Variants in REDIC1 observed in about 807,000 individuals in gnomAD.
REDIC1 encodes HEI10 Interacting Protein 1.
chr12:39,822,830 T>C, the REDIC1 span, among the ~76,000 whole-genome samples: 1 of 152,254 alleles, frequency 6.6e-6, no homozygotes, highest in African/African-American at 2.4e-5. Flanking sequence ...ATATTATGAA[T>C]ATCGCTACTT....
At chr12:39,676,186 A>G in the REDIC1 span, among the ~76,000 whole-genome samples, 1 of 152,054 alleles carries the variant, frequency 6.6e-6, no homozygotes, top group South Asian at 2.1e-4. Flanking sequence ...ACACCAACTT[A>G]AGGAAATAAA....
chr12:39,800,176 T>A, the REDIC1 span, among the ~76,000 whole-genome samples: 2 of 152,182 alleles, frequency 1.3e-5, no homozygotes, highest in Non-Finnish European at 2.9e-5. Flanking sequence ...TCCTTGGCAT[T>A]TTTGCAGAAA....
At chr12:39,896,527 T>A in the REDIC1 span, among the ~76,000 whole-genome samples, 1 of 145,008 alleles carries the variant, frequency 6.9e-6, no homozygotes, top group Non-Finnish European at 1.5e-5. Context: ...TATACATGTA[T>A]ACATGTATGT....
the REDIC1 span, among the ~76,000 whole-genome samples, chr12:39,895,956 GTATA>G: frequency 1.4e-5 from 2 of 144,436 alleles, 1 homozygote; most frequent in African/African-American, 5.6e-5. Context: ...GCGTATATGT[GTATA>G]TATACATGTG....
the REDIC1 span, among the ~76,000 whole-genome samples, chr12:39,650,574 A>T: frequency 6.6e-6 from 1 of 152,044 alleles, no homozygotes; most frequent in Admixed American, 6.6e-5. This position sits in a 1 kb window ranked among gnomAD's most constrained non-coding sequence, Gnocchi z 4.3. Flanking sequence ...ATTTAAGTTT[A>T]TTTTTTATTT....
chr12:39,836,493 A>C, the REDIC1 span, among the ~76,000 whole-genome samples: 1 of 151,920 alleles, frequency 6.6e-6, no homozygotes, highest in African/African-American at 2.4e-5. Flanking sequence ...GGCCAGGGCA[A>C]TTAGGCAGGA....
the REDIC1 span, among the ~76,000 whole-genome samples, chr12:39,761,254 A>AG: frequency 0.35 from 53,353 of 151,734 alleles, 11,559 homozygotes; most frequent in Non-Finnish European, 0.47. Flanking sequence ...AAGTAAAATA[A>AG]GGGGGCTTCT....
At chr12:39,886,388 A>T in the REDIC1 span, among the ~76,000 whole-genome samples, 1 of 152,192 alleles carries the variant, frequency 6.6e-6, no homozygotes, top group African/African-American at 2.4e-5. Flanking sequence ...AATTATTAGC[A>T]GACCGGTAGG....
the REDIC1 span, among the ~76,000 whole-genome samples, chr12:39,858,353 T>C: frequency 6.6e-6 from 1 of 152,214 alleles, no homozygotes; most frequent in Non-Finnish European, 1.5e-5. Flanking sequence ...CATTGTTTTC[T>C]ACTGTAGCAT....
chr12:39,787,725 C>T, the REDIC1 span, among the ~76,000 whole-genome samples: 1 of 151,990 alleles, frequency 6.6e-6, no homozygotes, highest in Non-Finnish European at 1.5e-5. Flanking sequence ...GGGCAAGAGA[C>T]AAGATAAGGT....
chr12:39,749,536 T>C, the REDIC1 span, among the ~76,000 whole-genome samples: 8 of 152,168 alleles, frequency 5.3e-5, no homozygotes, highest in East Asian at 1.2e-3. Flanking sequence ...TTCCAATCAA[T>C]AGAAAAAGAG....
At chr12:39,901,395 T>A in the REDIC1 span, among the ~76,000 whole-genome samples, 1 of 148,066 alleles carries the variant, frequency 6.8e-6, no homozygotes. Context: ...ACCATCAGAG[T>A]GAACAGACAA....
At chr12:39,750,019 G>T in the REDIC1 span, among the ~76,000 whole-genome samples, 1 of 152,200 alleles carries the variant, frequency 6.6e-6, no homozygotes, top group African/African-American at 2.4e-5. Context: ...AGACAGGGAT[G>T]CCCTCTCTCA....
chr12:39,855,457 A>G, the REDIC1 span, among the ~76,000 whole-genome samples: 1 of 152,228 alleles, frequency 6.6e-6, no homozygotes, highest in African/African-American at 2.4e-5. Flanking sequence ...GCCCTGGGGA[A>G]ATGAATTATG....
the REDIC1 span, among the ~76,000 whole-genome samples, chr12:39,733,487 T>A: frequency 1.3e-5 from 2 of 152,018 alleles, no homozygotes; most frequent in South Asian, 2.1e-4. Context: ...TTAATTTTTT[T>A]ATTTTATTTT....
chr12:39,730,226 G>A, the REDIC1 span, among the ~76,000 whole-genome samples: 41 of 152,242 alleles, frequency 2.7e-4, no homozygotes, highest in Admixed American at 9.2e-4. Context: ...TATTTTGCCC[G>A]TTAGTTGGCG....
chr12:39,848,528 T>G, the REDIC1 span, among the ~76,000 whole-genome samples: 2 of 152,142 alleles, frequency 1.3e-5, no homozygotes, highest in African/African-American at 4.8e-5. Flanking sequence ...AAATAACAGA[T>G]GCTGGTGAGG....
the REDIC1 span, among the ~76,000 whole-genome samples, chr12:39,859,855 A>G: frequency 5.3e-5 from 8 of 152,142 alleles, no homozygotes; most frequent in Non-Finnish European, 1.0e-4. Flanking sequence ...AAGAAAAAGT[A>G]TAATGAACTA....
chr12:39,862,613 T>A, the REDIC1 span, among the ~76,000 whole-genome samples: 2 of 152,230 alleles, frequency 1.3e-5, no homozygotes, highest in African/African-American at 4.8e-5. Context: ...AAGCATACTA[T>A]CTACATTTAC....
Sources: gnomAD v4.1 joint callset for allele counts (sites outside exome capture counted in the v4.1 genomes callset) on GRCh38, gnomAD v4.1.1 for gene constraint, Gnocchi (gnomAD v3.1) non-coding constraint, MANE v1.5 for transcripts, NCBI Gene and HGNC (gene_info 2026-07-23, HGNC 2026-07-21) for gene names.